The following ITGB8 variants were observed in gnomAD, a reference collection of about 807,000 sequenced individuals.
ITGB8 encodes integrin beta-8.
In ITGB8, 30 loss-of-function variants were observed where a neutral mutation model predicts 89.5. The observed-to-expected ratio is 0.34, with a 90% CI of 0.25 to 0.45. The LOEUF (loss-of-function observed/expected upper bound fraction) is 0.45, where lower values mean the gene tolerates loss of function less well. Among genes scored for constraint, ITGB8 ranks in the 20% least tolerant of loss-of-function variants. ITGB8 has a pLI of 1.00. For synonymous variants in ITGB8, 335 were observed against 320.4 expected, an observed-to-expected ratio of 1.05 and a Z score of -0.49; for missense variants, 836 against 933.3, an observed-to-expected ratio of 0.90 and a Z score of 1.36.
chr7:20,390,590 A>G (rs769532678), intron 6 of ITGB8, among the ~76,000 whole-genome samples: 3 of 152,152 alleles, frequency 2.0e-5, no homozygotes, highest in Non-Finnish European at 4.4e-5. Flanking sequence ...TATAAAATAT[A>G]TCATACAACA....
Position 20,404,757 on chromosome 7 carries a change from C to T in ITGB8, c.1817C>T (p.Thr606Met), listed in dbSNP as rs778570764. ...GGCCAAGTGTGCAGTGGAAGAGGCA[C>T]GTGTGTGTGTGGAAGGTGTGAGTGC... is the stretch of plus-strand genomic sequence containing the variant. ...SKGQVCSGRG[T>M]CVCGRCECTD... The change falls in exon 11 of 14, where the codon ACG (threonine) becomes ATG (methionine). Residue 606 changes from threonine (T) to methionine (M), a missense_variant. Physicochemically the swap from Thr to Met is moderately conservative, Grantham distance 81. Around this residue, in one of 5 missense-constraint regions of ITGB8, gnomAD observed 422 missense variants for 416.9 expected, o/e 1.01. Transcript: ENST00000222573. The T allele has an allele frequency of 1.4e-5, 22 of 1,613,884 alleles. No homozygotes were observed. Among genetic ancestry groups the T allele is most frequent in the Non-Finnish European group, 1.7e-5 (20 of 1,179,980 alleles).
intron 1 of ITGB8, among the ~76,000 whole-genome samples, chr7:20,361,382 A>G (rs944992715): frequency 1.3e-5 from 2 of 152,252 alleles, no homozygotes; most frequent in South Asian, 2.1e-4. Flanking sequence ...TGGGTAATTT[A>G]CAAACAATAC....
At chr7:20,369,945 T>A (rs963484295) in intron 3 of ITGB8, among the ~76,000 whole-genome samples, 2 of 152,016 alleles carry the variant, frequency 1.3e-5, no homozygotes, top group African/African-American at 2.4e-5. Flanking sequence ...ATTGATGATG[T>A]TGTTACAAAA....
intron 1 of ITGB8, among the ~76,000 whole-genome samples, chr7:20,351,760 C>A (rs11762117): frequency 0.14 from 21,221 of 152,156 alleles, 1,680 homozygotes; most frequent in East Asian, 0.37. Context: ...TAATCAAGTT[C>A]ACACCTGCAA....
chr7:20,382,304 G>T (rs1384014316), intron 6 of ITGB8, among the ~76,000 whole-genome samples: 1 of 151,998 alleles, frequency 6.6e-6, no homozygotes, highest in Non-Finnish European at 1.5e-5. Flanking sequence ...AGAAACCAGG[G>T]AAAAAAGACA....
At chr7:20,389,984 G>T (rs1262666231) in intron 6 of ITGB8, among the ~76,000 whole-genome samples, 1 of 152,028 alleles carries the variant, frequency 6.6e-6, no homozygotes, top group African/African-American at 2.4e-5. Context: ...ATGAAAATTT[G>T]ATTTGTTTCT....
chr7:20,408,116 C>A (rs184788051), intron 12 of ITGB8, among the ~76,000 whole-genome samples: 1 of 152,270 alleles, frequency 6.6e-6, no homozygotes, highest in Admixed American at 6.5e-5. Context: ...AAGCCACGTG[C>A]CCCCTCTGAT....
chr7:20,365,401 G>A (rs939883479), intron 2 of ITGB8: 1 of 152,172 alleles, frequency 6.6e-6, no homozygotes, highest in Admixed American at 6.6e-5. Context: ...GAAACACTGA[G>A]TTGGATTCAA....
intron 3 of ITGB8, among the ~76,000 whole-genome samples, chr7:20,370,014 T>C (rs192987779): frequency 3.3e-5 from 5 of 150,418 alleles, no homozygotes; most frequent in East Asian, 3.9e-4. Context: ...GAACTAAGCA[T>C]CCAAAGATAT....
rs1178721432 is a variant in ITGB8 at position 20,331,897 on chromosome 7, T to C, written c.91T>C (p.Trp31Arg). The change falls in exon 1 of 14, where the codon TGG (tryptophan) becomes CGG (arginine). Residue 31 changes from tryptophan to arginine, a missense_variant. Around this residue, in one of 5 missense-constraint regions of ITGB8, gnomAD observed 182 missense variants for 177.0 expected, o/e 1.03. Coordinates refer to ENST00000222573, the MANE Select transcript of ITGB8 (RefSeq NM_002214.3). ...RGPASFLWAAWVFSLVLGLGQ... is the reference protein window; with the variant it reads ...RGPASFLWAARVFSLVLGLGQ... ...TCCCGCCTCGTTCCTCTGGGCAGCCTGGGTGTTTTCACTTGTTCTTGGACT... is the reference window on the plus strand; with the variant it reads ...TCCCGCCTCGTTCCTCTGGGCAGCCCGGGTGTTTTCACTTGTTCTTGGACT... The C allele has an allele frequency of 1.2e-6, 2 of 1,614,186 alleles. No individual in the cohort carries two copies. Among genetic ancestry groups the C allele is most frequent in the South Asian group, 1.1e-5 (1 of 91,084 alleles).
At chr7:20,389,308 T>C (rs943473988) in intron 6 of ITGB8, among the ~76,000 whole-genome samples, 1 of 152,244 alleles carries the variant, frequency 6.6e-6, no homozygotes, top group Non-Finnish European at 1.5e-5. Context: ...GACTTTTTAA[T>C]GATCGCCATT....
chr7:20,379,515 G>T, intron 4 of ITGB8: 1 of 197,212 alleles, frequency 5.1e-6, no homozygotes, highest in Non-Finnish European at 9.8e-6. Context: ...TATTTAGTCA[G>T]TTTTTATCAC....
At chr7:20,377,255 T>C (rs1786189939) in intron 3 of ITGB8, 1 of 152,218 alleles carries the variant, frequency 6.6e-6, no homozygotes, top group Non-Finnish European at 1.5e-5. Flanking sequence ...AGAGCCACCA[T>C]AAACTGCAAC....
intron 6 of ITGB8, among the ~76,000 whole-genome samples, chr7:20,386,477 C>G (rs1295902817): frequency 7.6e-6 from 1 of 131,078 alleles, no homozygotes; most frequent in East Asian, 2.3e-4. Flanking sequence ...CCAGGCTGGT[C>G]TAAATCTCCT....
At position 20,331,946 on chromosome 7, in the gene ITGB8, G is replaced by C; in HGVS notation, c.127+13G>C. 6.2e-7 allele frequency: 1 copy of C among 1,613,416 alleles called. No homozygotes were observed. Among genetic ancestry groups the C allele is most frequent in the Non-Finnish European group, 8.5e-7 (1 of 1,179,732 alleles). On this transcript the variant is annotated intron_variant, in intron 1 of 13. Transcript: ENST00000222573. ...CTGGGCCAAGGTGGTAAGTTGTTTT[G>C]TTTTGTTTTGTTTTCTTCTCTTCCC...
intron 12 of ITGB8, among the ~76,000 whole-genome samples, chr7:20,406,509 C>A (rs1583547080): frequency 6.6e-6 from 1 of 151,282 alleles, no homozygotes; most frequent in South Asian, 2.1e-4. Context: ...GAGATCATGC[C>A]ATTGCATTGC....
intron 1 of ITGB8, among the ~76,000 whole-genome samples, chr7:20,353,792 C>T (rs1295431597): frequency 8.0e-5 from 12 of 150,418 alleles, no homozygotes; most frequent in African/African-American, 2.5e-4. Context: ...ATTAGCCAGG[C>T]GTGGTGGCGC....
chr7:20,398,880 A>C lies in ITGB8; in HGVS notation c.1167A>C (p.Lys389Asn). The change falls in exon 9 of 14, where the codon AAA (lysine) becomes AAC (asparagine). Residue 389 changes from lysine to asparagine, a missense_variant. By Grantham distance (94) the Lys-to-Asn change is moderately conservative. Around this residue, in one of 5 missense-constraint regions of ITGB8, gnomAD observed 192 missense variants for 267.1 expected, o/e 0.72. Transcript: ENST00000222573. Reference protein sequence around the residue: ...EAYQKLISEVKVQVENQVQGI... With the variant: ...EAYQKLISEVNVQVENQVQGI... ...TGCAGAAGCTCATTTCAGAAGTGAA[A>C]GTTCAGGTGGAAAACCAGGTACAAG... 1.9e-6 allele frequency: 3 copies of C among 1,590,090 alleles called. No individual in the cohort carries two copies. The highest frequency in any genetic ancestry group is 2.6e-6 in the Non-Finnish European group (3 of 1,170,736).
At chr7:20,345,467 G>A (rs908497775) in intron 1 of ITGB8, among the ~76,000 whole-genome samples, 8 of 151,956 alleles carry the variant, frequency 5.3e-5, no homozygotes, top group Non-Finnish European at 1.2e-4. Flanking sequence ...AGTGGAGCAG[G>A]GTTGGGGGAA....
Sources: allele counts gnomAD v4.1 joint callset (sites outside exome capture counted in the v4.1 genomes callset), GRCh38; gene constraint gnomAD v4.1.1; regional missense constraint gnomAD v4.1.1; transcripts MANE v1.5; gene names NCBI Gene and HGNC (gene_info 2026-07-23, HGNC 2026-07-21).